Variants in MYO7B observed in about 807,000 individuals in gnomAD.
MYO7B encodes unconventional myosin-VIIb.
A neutral mutation model predicts 259.7 loss-of-function variants in MYO7B; 212 were observed. The observed-to-expected ratio is 0.82, with a 90% CI of 0.73 to 0.91. The LOEUF (loss-of-function observed/expected upper bound fraction) is 0.91. Among genes scored for constraint, MYO7B ranks in the 40% least tolerant of loss-of-function variants. The pLI is 0.00. For synonymous variants in MYO7B, 1,197 were observed against 1,166.4 expected (o/e 1.03, Z -0.54); for missense variants, 2,732 against 2,813.5 (o/e 0.97, Z 0.66).
Position 127,569,826 on chromosome 2 carries a change from C to G in MYO7B, c.508C>G (p.Leu170Val). 1 of 1,613,462 alleles carries G rather than the reference C, an allele frequency of 6.2e-7. No homozygotes were observed. Among genetic ancestry groups the G allele is most frequent in the African/African-American group, 1.3e-5 (1 of 75,018 alleles). ...SGAGKTETTKLILQFLATISG... is the reference protein window; with the variant it reads ...SGAGKTETTKVILQFLATISG... ...GGCTGGCAAGACGGAGACCACCAAG[C>G]TCATCCTGCAGTTCCTGGCCACCAT... Residue 170 changes from leucine (L) to valine (V), a missense_variant, in exon 6 of 48, where the codon CTC (leucine) becomes GTC (valine). Around this residue, in one of 3 missense-constraint regions of MYO7B, gnomAD observed 1,906 missense variants for 2,026.4 expected, o/e 0.94. Transcript: ENST00000409816.
chr2:127,609,387 C>G lies in MYO7B; in HGVS notation c.2815-119C>G. 17 of 905,830 alleles carry G rather than the reference C, an allele frequency of 1.9e-5. No individual in the cohort carries two copies. Among genetic ancestry groups the G allele is most frequent in the Non-Finnish European group, 2.6e-5 (15 of 582,802 alleles). 56.1% of individuals were successfully genotyped at this position (905,830 alleles called of 1,614,324 possible). A position where few individuals can be genotyped will look rare whatever the true frequency, so the allele number is the denominator to read the frequency against. On this transcript the variant is annotated intron_variant, in intron 22 of 47. Transcript: ENST00000409816. The surrounding 1 kb of genome is among the most constrained non-coding windows in gnomAD (Gnocchi z 6.9). ...ATGTGGGGATGGGTGGTCTCCAGCA[C>G]CTGAGGGATCAGGGTAATGCAACAG... is the stretch of plus-strand genomic sequence containing the variant.
intron 1 of MYO7B, among the ~76,000 whole-genome samples, chr2:127,537,039 T>A (rs1277202480): frequency 6.6e-6 from 1 of 152,234 alleles, no homozygotes; most frequent in Non-Finnish European, 1.5e-5. Flanking sequence ...AAAAAATTTA[T>A]CTTAAAGATC....
chr2:127,592,652 G>T, intron 16 of MYO7B, 142 bp from the exon 17 acceptor site: 1 of 1,051,542 alleles, frequency 9.5e-7, no homozygotes. Context: ...TCCATCTCTG[G>T]AGGACAGTGG....
rs1680540486 is a variant in MYO7B at position 127,615,593 on chromosome 2, A to G, written c.3398+2990A>G. ...CTAACAGGCTTCAGGTGTGCCCTGT[A>G]GATAATCACAAGAAACACTTGTGCC... On this transcript the variant is annotated intron_variant, in intron 26 of 47. Coordinates refer to ENST00000409816, the MANE Select transcript of MYO7B (RefSeq NM_001393586.1). The surrounding 1 kb of genome is among the most constrained non-coding windows in gnomAD (Gnocchi z 4.4). 6.6e-6 allele frequency among the ~76,000 whole-genome samples: 1 copy of G among 152,080 alleles called. No individual in the cohort carries two copies. The highest frequency in any genetic ancestry group is 2.4e-5 in the African/African-American group (1 of 41,402).
rs542587290 is a variant in MYO7B, at chr2:127,590,411, G to A, written c.1992+182G>A. On this transcript the variant is annotated intron_variant, in intron 16 of 47. Coordinates refer to ENST00000409816, the MANE Select transcript of MYO7B (RefSeq NM_001393586.1). This position sits in a 1 kb window ranked among gnomAD's most constrained non-coding sequence, Gnocchi z 4.6. ...TAGGTCATGTGAAGGTCAGTGACCT[G>A]CAGAGCTTTGGGTTGCTGAGACCTC... Among the ~76,000 whole-genome samples the A allele has an allele frequency of 1.3e-5, 2 of 152,348 alleles. No individual in the cohort carries two copies. Among genetic ancestry groups the A allele is most frequent in the South Asian group, 2.1e-4 (1 of 4,834 alleles).
rs115922723 is a variant in MYO7B at position 127,575,160 on chromosome 2, A to G, written c.735+1098A>G. Among the ~76,000 whole-genome samples the G allele has an allele frequency of 2.8e-3, 427 of 152,258 alleles. 2 individuals carry two copies. Among genetic ancestry groups the G allele is most frequent in the African/African-American group, 9.0e-3 (372 of 41,542 alleles). On this transcript the variant is annotated intron_variant, in intron 7 of 47. Transcript: ENST00000409816. ...TAGTGACCCTCCGACCTGGTGCTAT[A>G]CTTTTCCTGTTTTATCTCATTTGAC... is the stretch of plus-strand genomic sequence containing the variant.
rs1558852871 is a variant in MYO7B, at chr2:127,631,651, T to C, written c.5147T>C (p.Leu1716Pro). The change falls in exon 38 of 48, where the codon CTG becomes CCG. Residue 1716 changes from leucine to proline, a missense_variant. Leu to Pro is a moderately conservative substitution (Grantham distance 98). This residue lies in a region of MYO7B where 821 missense variants were observed against 769.3 expected (regional missense o/e 1.07). Coordinates refer to ENST00000409816, the MANE Select transcript of MYO7B (RefSeq NM_001393586.1). ...CCTTCTCGGCAGGCCTGGCCCACCC[T>C]GGAGCTCACCGACCAGATCTTCACA... ...DYPSRQAWPT[L>P]ELTDQIFTLA... 6.2e-7 allele frequency: 1 copy of C among 1,613,020 alleles called. No individual in the cohort carries two copies. The highest frequency in any genetic ancestry group is 1.3e-5 in the African/African-American group (1 of 75,026).
At chr2:127,578,487 A>T (rs900135130) in intron 9 of MYO7B, among the ~76,000 whole-genome samples, 1 of 152,208 alleles carries the variant, frequency 6.6e-6, no homozygotes, top group East Asian at 1.9e-4. Flanking sequence ...GGCTCTCCAC[A>T]GGTGGAGACC....
Position 127,636,135 on chromosome 2 carries a change from C to A in MYO7B, c.6007-73C>A. 2.3e-6 allele frequency: 3 copies of A among 1,290,974 alleles called. No individual in the cohort carries two copies. Among genetic ancestry groups the A allele is most frequent in the Non-Finnish European group, 3.3e-6 (3 of 905,242 alleles). 80.0% of individuals were successfully genotyped at this position (1,290,974 alleles called of 1,614,324 possible). A position where few individuals can be genotyped will look rare whatever the true frequency, so the allele number is the denominator to read the frequency against. On this transcript the variant is annotated intron_variant, in intron 44 of 47. Transcript: ENST00000409816. The surrounding 1 kb of genome is among the most constrained non-coding windows in gnomAD (Gnocchi z 4.5). Reference sequence around the variant, plus strand: ...CCCACCGTACTAGCCCTGGGGTAGGCAGGTGCTGCCCCCACCAGGGCTTTG... The same window carrying A: ...CCCACCGTACTAGCCCTGGGGTAGGAAGGTGCTGCCCCCACCAGGGCTTTG...
chr2:127,631,107 T>C, intron 36 of MYO7B, 99 bp from the exon 37 acceptor site: 1 of 1,445,318 alleles, frequency 6.9e-7, no homozygotes, highest in East Asian at 2.5e-5. Flanking sequence ...GGTGGGGTGC[T>C]CTGGCCCTCC....
intron 9 of MYO7B, among the ~76,000 whole-genome samples, chr2:127,579,798 C>T (rs1351167965): frequency 6.6e-6 from 1 of 152,190 alleles, no homozygotes; most frequent in East Asian, 1.9e-4. Context: ...ATTGGTCAGG[C>T]TGGTCTCGAA....
Position 127,629,810 on chromosome 2 carries a change from C to A in MYO7B, c.4790C>A (p.Pro1597His). 1 of 1,569,738 alleles carries A rather than the reference C, an allele frequency of 6.4e-7. No individual in the cohort carries two copies. Among genetic ancestry groups the A allele is most frequent in the Non-Finnish European group, 8.6e-7 (1 of 1,156,498 alleles). Residue 1597 changes from proline to histidine, a missense_variant, in exon 35 of 48, where the codon CCC (proline) becomes CAC (histidine). By Grantham distance (77) the Pro-to-His change is moderately conservative (BLOSUM62 -2). Transcript: ENST00000409816. ...CLYTIPTVTK[P>H]SAQLLSLLAM... ...TACACCATCCCCACGGTCACTAAGC[C>A]CTCGGCACAGCTGCTGGTAACTGGC... is the stretch of plus-strand genomic sequence containing the variant.
rs1181787604 is a variant in MYO7B, at chr2:127,577,680, T to C, written c.850-453T>C. On this transcript the variant is annotated intron_variant, in intron 8 of 47. Coordinates refer to ENST00000409816, the MANE Select transcript of MYO7B (RefSeq NM_001393586.1). The surrounding 1 kb of genome is among the most constrained non-coding windows in gnomAD (Gnocchi z 5.2). ...CCTCCAAGAAGCCTTTCTCCACCTC[T>C]CGATAGGGCTGGCCCCGGCCCCTGT... Among the ~76,000 whole-genome samples the C allele has an allele frequency of 6.6e-6, 1 of 152,062 alleles. No individual in the cohort carries two copies. Among genetic ancestry groups the C allele is most frequent in the Non-Finnish European group, 1.5e-5 (1 of 67,996 alleles).
chr2:127,604,919 A>G (rs369473795), intron 19 of MYO7B, among the ~76,000 whole-genome samples: 9 of 152,246 alleles, frequency 5.9e-5, no homozygotes, highest in South Asian at 2.1e-4. Flanking sequence ...ATAATGAAAA[A>G]TTTGAAATAT....
At chr2:127,620,567 C>T (rs1680796199) in intron 27 of MYO7B, 101 bp downstream of exon 27, 4 of 1,302,520 alleles carry the variant, frequency 3.1e-6, no homozygotes, top group Non-Finnish European at 4.0e-6. Context: ...CAGTACGTGG[C>T]CCATTTCTCC....
chr2:127,548,725 T>A (rs898273026), intron 1 of MYO7B, among the ~76,000 whole-genome samples: 3 of 152,212 alleles, frequency 2.0e-5, no homozygotes, highest in Non-Finnish European at 4.4e-5. Context: ...CTAGATTTTT[T>A]AACTATGCAT....
intron 28 of MYO7B, 118 bp downstream of exon 28, chr2:127,622,219 C>A: frequency 2.2e-6 from 3 of 1,357,254 alleles, no homozygotes; most frequent in Non-Finnish European, 2.0e-6. Flanking sequence ...TGAGCCCCGC[C>A]ATCTCCTCTG....
chr2:127,589,131 ATGGATGGGTGGGTGGCTGTG>A (rs1679437468), intron 15 of MYO7B, among the ~76,000 whole-genome samples: 1 of 119,948 alleles, frequency 8.3e-6, no homozygotes, highest in Non-Finnish European at 1.7e-5. Flanking sequence ...GAATGGATAG[ATGGATGGGTGGGTGGCTGTG>A]TGGATGGGTG....
chr2:127,567,655 C>T (rs2104878574), intron 5 of MYO7B, among the ~76,000 whole-genome samples: 1 of 152,132 alleles, frequency 6.6e-6, no homozygotes, highest in African/African-American at 2.4e-5. Context: ...ACATGATCCA[C>T]CTGGGGGATT....
Sources: allele counts gnomAD v4.1 joint callset (sites outside exome capture counted in the v4.1 genomes callset), GRCh38; gene constraint gnomAD v4.1.1; regional missense constraint gnomAD v4.1.1; non-coding constraint Gnocchi (gnomAD v3.1); transcripts MANE v1.5; gene names NCBI Gene and HGNC (gene_info 2026-07-23, HGNC 2026-07-21).